MSRA: variants seen among roughly 807,000 people sequenced by gnomAD.
The protein encoded by MSRA is mitochondrial peptide methionine sulfoxide reductase.
In MSRA, 54 loss-of-function variants were observed where a neutral mutation model predicts 31.3. The observed-to-expected ratio is 1.73, with a 90% CI of 1.39 to 2.17. The LOEUF (loss-of-function observed/expected upper bound fraction) is 2.17. MSRA is among the 30% of genes most tolerant of loss of function. The probability of loss-of-function intolerance (pLI) is 0.00; values close to 1 mark genes in which losing one functional copy is unlikely to be tolerated. For synonymous variants in MSRA, 169 were observed against 116.5 expected, an observed-to-expected ratio of 1.45 and a Z score of -2.90; for missense variants, 507 against 300.9, an observed-to-expected ratio of 1.69 and a Z score of -5.07.
intron 3 of MSRA, among the ~76,000 whole-genome samples, chr8:10,289,230 G>A (rs1800102156): frequency 6.6e-6 from 1 of 152,042 alleles, no homozygotes; most frequent in South Asian, 2.1e-4. Flanking sequence ...GGCCAGGATG[G>A]TCTTGATATC....
At chr8:10,143,870 C>G (rs1802913838) in intron 1 of MSRA, among the ~76,000 whole-genome samples, 1 of 152,136 alleles carries the variant, frequency 6.6e-6, no homozygotes, top group Admixed American at 6.5e-5. Context: ...TTGGAGCAGC[C>G]GACTTTTTCT....
At chr8:10,407,132 C>A (rs1807868012) in intron 5 of MSRA, among the ~76,000 whole-genome samples, 1 of 152,220 alleles carries the variant, frequency 6.6e-6, no homozygotes, top group African/African-American at 2.4e-5. Flanking sequence ...CCGCCTCGGC[C>A]TTCTAAAGTG....
intron 1 of MSRA, among the ~76,000 whole-genome samples, chr8:10,082,897 A>G (rs1179891542): frequency 1.3e-5 from 2 of 152,254 alleles, no homozygotes; most frequent in African/African-American, 4.8e-5. Flanking sequence ...CCGAACGACT[A>G]GATGTGCTCA....
intron 5 of MSRA, among the ~76,000 whole-genome samples, chr8:10,426,227 CTG>C (rs970406391): frequency 2.4e-4 from 36 of 152,202 alleles, no homozygotes; most frequent in Admixed American, 8.5e-4. Context: ...TGAAAACAGT[CTG>C]GAGCCAAATG....
intron 3 of MSRA, among the ~76,000 whole-genome samples, chr8:10,251,465 G>C (rs1479282380): frequency 6.6e-6 from 1 of 152,130 alleles, no homozygotes; most frequent in Non-Finnish European, 1.5e-5. Flanking sequence ...ACATACTCCT[G>C]AAAATGCAAG....
intron 1 of MSRA, among the ~76,000 whole-genome samples, chr8:10,122,174 G>T (rs935586312): frequency 6.6e-6 from 1 of 152,138 alleles, no homozygotes; most frequent in African/African-American, 2.4e-5. Flanking sequence ...CAGAGGGCAA[G>T]ATTCTCGCCA....
chr8:10,223,433 C>T (rs959823573), intron 2 of MSRA, among the ~76,000 whole-genome samples: 4 of 152,174 alleles, frequency 2.6e-5, no homozygotes, highest in Admixed American at 6.5e-5. Flanking sequence ...TCAGCATTTG[C>T]GTCTATCTCT....
chr8:10,304,660 A>G (rs1421214996), intron 4 of MSRA, among the ~76,000 whole-genome samples: 1 of 152,156 alleles, frequency 6.6e-6, no homozygotes. Flanking sequence ...TCACTCACTC[A>G]CCACATCTGA....
At chr8:10,339,109 G>C (rs1803244590) in intron 5 of MSRA, among the ~76,000 whole-genome samples, 1 of 152,158 alleles carries the variant, frequency 6.6e-6, no homozygotes, top group Admixed American at 6.6e-5. Flanking sequence ...AGTTGACAGT[G>C]GCTGACAGAT....
At chr8:10,124,275 A>C (rs1043668916) in intron 1 of MSRA, among the ~76,000 whole-genome samples, 4 of 152,170 alleles carry the variant, frequency 2.6e-5, no homozygotes, top group Non-Finnish European at 5.9e-5. Flanking sequence ...AGCTCCAAGA[A>C]GATTGGCAGG....
chr8:10,208,954 C>T (rs1027102920), intron 2 of MSRA, among the ~76,000 whole-genome samples: 2 of 152,206 alleles, frequency 1.3e-5, no homozygotes, highest in African/African-American at 2.4e-5. Flanking sequence ...AGATTGTTCC[C>T]TTATTCCCAG....
intron 1 of MSRA, among the ~76,000 whole-genome samples, chr8:10,124,848 T>A (rs1801389161): frequency 6.6e-6 from 1 of 152,214 alleles, no homozygotes. Context: ...GACATGTAAT[T>A]TCACATCAGT....
At chr8:10,211,740 G>C (rs572857296) in intron 2 of MSRA, among the ~76,000 whole-genome samples, 1 of 152,058 alleles carries the variant, frequency 6.6e-6, no homozygotes, top group African/African-American at 2.4e-5. Flanking sequence ...CCACCCTGCT[G>C]GGCCTGTCTT....
At chr8:10,320,131 G>A (rs1335463158) in intron 5 of MSRA, 142 bp downstream of exon 5, 5 of 580,556 alleles carry the variant, frequency 8.6e-6, no homozygotes, top group Non-Finnish European at 1.5e-5. Flanking sequence ...CAGCCTCTAG[G>A]AGTGGAGCCA....
At chr8:10,111,776 C>T (rs948779315) in intron 1 of MSRA, among the ~76,000 whole-genome samples, 2 of 152,158 alleles carry the variant, frequency 1.3e-5, no homozygotes, top group African/African-American at 2.4e-5. Flanking sequence ...TTTTGGTTCA[C>T]CTGGGTAGCT....
chr8:10,395,864 A>G (rs1807064707), intron 5 of MSRA, among the ~76,000 whole-genome samples: 1 of 152,132 alleles, frequency 6.6e-6, no homozygotes, highest in South Asian at 2.1e-4. Flanking sequence ...TGGTGCTCCT[A>G]GGCACACATC....
chr8:10,410,110 C>A (rs887467131), intron 5 of MSRA, among the ~76,000 whole-genome samples: 2 of 152,194 alleles, frequency 1.3e-5, no homozygotes, highest in Non-Finnish European at 2.9e-5. Flanking sequence ...AAAAGATGAT[C>A]CTCCGAGCCT....
intron 4 of MSRA, among the ~76,000 whole-genome samples, chr8:10,316,888 T>C (rs918951674): frequency 1.3e-5 from 2 of 152,120 alleles, no homozygotes; most frequent in Admixed American, 1.3e-4. Context: ...GAGACCCTAC[T>C]TTCCAGCAGA....
intron 1 of MSRA, among the ~76,000 whole-genome samples, chr8:10,156,589 G>A (rs1804169591): frequency 6.6e-6 from 1 of 152,174 alleles, no homozygotes; most frequent in Non-Finnish European, 1.5e-5. Flanking sequence ...AAGTGGCATA[G>A]AAATTAATCT....
Sources: allele counts gnomAD v4.1 joint callset (sites outside exome capture counted in the v4.1 genomes callset), GRCh38; gene constraint gnomAD v4.1.1; transcripts MANE v1.5; gene names NCBI Gene and HGNC (gene_info 2026-07-23, HGNC 2026-07-21).